The following EPM2A variants were observed in gnomAD, a reference collection of about 807,000 sequenced individuals.
EPM2A encodes the protein EPM2A glucan phosphatase, laforin.
A neutral mutation model predicts 26.5 loss-of-function variants in EPM2A; 21 were observed. The observed-to-expected ratio is 0.79, with a 90% CI of 0.56 to 1.14. EPM2A has a LOEUF of 1.14. Among genes scored for constraint, EPM2A ranks in the 50% most tolerant of loss-of-function variants. EPM2A has a pLI of 0.00. For missense variants in EPM2A, 458 were observed against 440.8 expected (o/e 1.04, Z -0.35); for synonymous variants, 217 against 177.6 (o/e 1.22, Z -1.76).
rs529117794 is a variant in EPM2A, at chr6:145,434,270, T to G, written c.556-50173A>C. On this transcript the variant is annotated intron_variant, in intron 4 of 4. Transcript: ENST00000638717. Reference sequence around the variant, plus strand: ...CTTTTTTTTATCTCTCTCTCTCTTTTTTTTTTTTTAGACAGGGTCTCCTTC... The same window carrying G: ...CTTTTTTTTATCTCTCTCTCTCTTTGTTTTTTTTTAGACAGGGTCTCCTTC... 2.0e-5 allele frequency among the ~76,000 whole-genome samples: 3 copies of G among 151,834 alleles called. No homozygotes were observed. In the South Asian group the frequency reaches 6.2e-4, roughly 32 times the overall value.
At chr6:145,552,886 C>A (rs1226831200) in intron 2 of EPM2A, among the ~76,000 whole-genome samples, 1 of 152,062 alleles carries the variant, frequency 6.6e-6, no homozygotes, top group Non-Finnish European at 1.5e-5. Flanking sequence ...GAAAGACAAT[C>A]ATTGGTGGAA....
chr6:145,429,538 A>T (rs1241186185), intron 4 of EPM2A, among the ~76,000 whole-genome samples: 1 of 152,018 alleles, frequency 6.6e-6, no homozygotes, highest in East Asian at 1.9e-4. Context: ...AAAATTGTCA[A>T]TCATGTCAAA....
intron 2 of EPM2A, among the ~76,000 whole-genome samples, chr6:145,528,093 C>T (rs185022669): frequency 1.4e-3 from 220 of 152,188 alleles, no homozygotes; most frequent in African/African-American, 4.8e-3. Context: ...AGGCTGCAAG[C>T]GGTGAGAAAG....
At chr6:145,500,855 C>G (rs1002382733), downstream of EPM2A, among the ~76,000 whole-genome samples, 1 of 152,166 alleles carries the variant, frequency 6.6e-6, no homozygotes, top group African/African-American at 2.4e-5. Flanking sequence ...GACCAGCTCT[C>G]TCCCTTCTAG....
chr6:145,588,540 G>T (rs1352034646), intron 2 of EPM2A, among the ~76,000 whole-genome samples: 2 of 152,120 alleles, frequency 1.3e-5, no homozygotes. Context: ...GTTAAAGTAT[G>T]AAAGTTTAGA....
intron 2 of EPM2A, among the ~76,000 whole-genome samples, chr6:145,595,683 G>C (rs1194864568): frequency 6.6e-6 from 1 of 151,990 alleles, no homozygotes; most frequent in African/African-American, 2.4e-5. Context: ...CAAAGCTACT[G>C]TTTTTGCATA....
chr6:145,690,375 T>G (rs1781198882), intron 1 of EPM2A, among the ~76,000 whole-genome samples: 1 of 151,250 alleles, frequency 6.6e-6, no homozygotes, highest in Non-Finnish European at 1.5e-5. Context: ...CCGGGTGCGG[T>G]GGCGGGCGCC....
At chr6:145,483,116 G>GTTTC (rs375127734) in intron 4 of EPM2A, among the ~76,000 whole-genome samples, 1 of 151,826 alleles carries the variant, frequency 6.6e-6, no homozygotes, top group African/African-American at 2.4e-5. Flanking sequence ...GCTCATCAAA[G>GTTTC]TTTCTTTCTT....
chr6:145,487,897 G>A (rs1168041829), intron 4 of EPM2A, among the ~76,000 whole-genome samples: 2 of 151,970 alleles, frequency 1.3e-5, no homozygotes, highest in Admixed American at 1.3e-4. Context: ...TTGGACATGT[G>A]TATGTCCTAA....
intron 2 of EPM2A, among the ~76,000 whole-genome samples, chr6:145,537,186 G>A (rs1780443430): frequency 6.6e-6 from 1 of 152,168 alleles, no homozygotes; most frequent in Non-Finnish European, 1.5e-5. Context: ...CTGATTTATA[G>A]GAGGCTAGTT....
At chr6:145,715,876 T>C (rs954466936) in intron 1 of EPM2A, among the ~76,000 whole-genome samples, 1 of 151,866 alleles carries the variant, frequency 6.6e-6, no homozygotes, top group African/African-American at 2.4e-5. Flanking sequence ...TTATGGTGAG[T>C]TGTATAATTA....
intron 2 of EPM2A, among the ~76,000 whole-genome samples, chr6:145,538,606 G>A (rs1780466416): frequency 3.9e-5 from 6 of 152,170 alleles, no homozygotes; most frequent in Admixed American, 3.9e-4. Context: ...AAAGGCACAG[G>A]CCAACATATA....
Position 145,652,749 on chromosome 6 carries a change from G to A in EPM2A, c.477-17263C>T, listed in dbSNP as rs559479138. 9.2e-5 allele frequency among the ~76,000 whole-genome samples: 14 copies of A among 151,824 alleles called. No homozygotes were observed. The South Asian group carries it at 2.1e-3, about 23-fold the overall frequency. On this transcript the variant is annotated intron_variant, in intron 2 of 3. Coordinates refer to ENST00000367519, the MANE Select transcript of EPM2A (RefSeq NM_005670.4). ...TTAATCTACAAGCAGAAACACAGGC[G>A]TGGAGACATGAAGCAATTTCTACAG...
At chr6:145,449,793 C>T (rs960570216) in intron 4 of EPM2A, among the ~76,000 whole-genome samples, 1 of 152,108 alleles carries the variant, frequency 6.6e-6, no homozygotes. Flanking sequence ...TTCCTTTAAG[C>T]TTTGATGTTT....
downstream of EPM2A, chr6:145,501,433 T>A (rs1307214696): frequency 1.1e-5 from 2 of 174,600 alleles, no homozygotes; most frequent in Non-Finnish European, 2.4e-5. Flanking sequence ...TCCCAATTAA[T>A]TATTCTATTT....
At chr6:145,530,787 T>A (rs1780344095) in intron 2 of EPM2A, among the ~76,000 whole-genome samples, 2 of 152,112 alleles carry the variant, frequency 1.3e-5, no homozygotes, top group Non-Finnish European at 2.9e-5. Context: ...AAGCAAACCT[T>A]ATGGAAATAG....
Position 145,625,792 on chromosome 6 carries a change from C to T in EPM2A, c.*1624G>A. On this transcript the variant is annotated 3_prime_UTR_variant, in exon 4 of 4. Coordinates refer to ENST00000367519, the MANE Select transcript of EPM2A (RefSeq NM_005670.4). ...CTATCTCCCCGTCCTCTGAGCTCCA[C>T]TGAAACTTACCTTGTATCCTTCTTG... The T allele has an allele frequency of 6.7e-7, 1 of 1,492,142 alleles. No homozygotes were observed. Among genetic ancestry groups the T allele is most frequent in the Non-Finnish European group, 9.2e-7 (1 of 1,081,840 alleles). The allele number at this position is 1,492,142 out of a possible 1,614,324, so 92.4% of individuals were successfully genotyped here.
intron 4 of EPM2A, among the ~76,000 whole-genome samples, chr6:145,443,704 C>T (rs1481920247): frequency 6.6e-6 from 1 of 152,058 alleles, no homozygotes; most frequent in Non-Finnish European, 1.5e-5. Context: ...GGCTCTGTGT[C>T]CCTACCCAAA....
intron 2 of EPM2A, among the ~76,000 whole-genome samples, chr6:145,619,078 T>C (rs1389904227): frequency 6.6e-6 from 1 of 151,972 alleles, no homozygotes; most frequent in Non-Finnish European, 1.5e-5. Flanking sequence ...ATGGCAAAGA[T>C]GGCATTCAAG....
Sources: allele counts gnomAD v4.1 joint callset (sites outside exome capture counted in the v4.1 genomes callset), GRCh38; gene constraint gnomAD v4.1.1; transcripts MANE v1.5; gene names NCBI Gene and HGNC (gene_info 2026-07-23, HGNC 2026-07-21).